Variants in NUP210L observed in about 807,000 individuals in gnomAD.
NUP210L encodes nucleoporin 210 like, also known as nuclear pore membrane glycoprotein 210-like.
A neutral mutation model predicts 208.5 loss-of-function variants in NUP210L; 74 were observed. The ratio of observed to expected loss-of-function variants is 0.35; its 90% CI spans 0.29 to 0.43. The LOEUF (loss-of-function observed/expected upper bound fraction) is 0.43. NUP210L is among the 20% of genes least tolerant of loss of function. The probability of loss-of-function intolerance (pLI) is 1.00; values close to 1 mark genes in which losing one functional copy is unlikely to be tolerated. For missense variants in NUP210L, 1,843 were observed against 2,289.4 expected (o/e 0.81, Z 3.98); for synonymous variants, 780 against 816.9 (o/e 0.95, Z 0.77).
chr1:154,097,210 C>T (rs769989267), intron 14 of NUP210L, among the ~76,000 whole-genome samples: 9 of 151,946 alleles, frequency 5.9e-5, no homozygotes, highest in African/African-American at 2.2e-4. Flanking sequence ...CCAGATGAAC[C>T]GAATTGAGCT....
chr1:154,075,650 T>C (rs1428671412), intron 16 of NUP210L, among the ~76,000 whole-genome samples: 4 of 152,134 alleles, frequency 2.6e-5, no homozygotes, highest in African/African-American at 9.7e-5. Flanking sequence ...CATTATATTA[T>C]ATAAAATGTT....
At chr1:154,094,277 C>T (rs1171490892) in intron 15 of NUP210L, among the ~76,000 whole-genome samples, 3 of 151,486 alleles carry the variant, frequency 2.0e-5, no homozygotes. Context: ...AGCAAGACTC[C>T]ATCTCAAAAA....
chr1:154,023,514 G>A (rs1029682448), intron 30 of NUP210L, among the ~76,000 whole-genome samples: 9 of 152,086 alleles, frequency 5.9e-5, no homozygotes, highest in African/African-American at 1.9e-4. Flanking sequence ...ATCTCACTCT[G>A]TCACCCAGGC....
chr1:154,113,786 A>T (rs1657169767), intron 12 of NUP210L, among the ~76,000 whole-genome samples: 1 of 131,570 alleles, frequency 7.6e-6, no homozygotes, highest in African/African-American at 2.9e-5. Context: ...TGAACCTGGG[A>T]GGTGGAGGTT....
intron 14 of NUP210L, among the ~76,000 whole-genome samples, chr1:154,098,806 G>C (rs1471320198): frequency 6.6e-6 from 1 of 152,156 alleles, no homozygotes; most frequent in Non-Finnish European, 1.5e-5. Flanking sequence ...TGAAGGTAGG[G>C]CCTCACCAGA....
chr1:154,043,900 C>T (rs1014909405), intron 27 of NUP210L, among the ~76,000 whole-genome samples: 1 of 151,936 alleles, frequency 6.6e-6, no homozygotes, highest in Non-Finnish European at 1.5e-5. Flanking sequence ...GATTACAGGC[C>T]TTATGAAGGC....
intron 16 of NUP210L, among the ~76,000 whole-genome samples, chr1:154,084,114 A>C (rs1459664732): frequency 7.2e-6 from 1 of 138,960 alleles, no homozygotes; most frequent in Non-Finnish European, 1.5e-5. Flanking sequence ...ATCTTGGCTC[A>C]CTGGAGCTTC....
At chr1:154,126,060 G>C (rs1657953808) in intron 10 of NUP210L, among the ~76,000 whole-genome samples, 1 of 151,892 alleles carries the variant, frequency 6.6e-6, no homozygotes, top group Non-Finnish European at 1.5e-5. Context: ...GAGCCACCGC[G>C]CCCGGCCAAG....
chr1:154,077,540 G>A (rs1655103040), intron 16 of NUP210L, among the ~76,000 whole-genome samples: 1 of 152,052 alleles, frequency 6.6e-6, no homozygotes, highest in Admixed American at 6.6e-5. Flanking sequence ...ATACTAAAGG[G>A]AGTCCTTCAG....
At chr1:154,027,582 G>T (rs1218057059) in exon 29 of NUP210L, 5 of 1,612,504 alleles carry the variant, frequency 3.1e-6, no homozygotes, top group Non-Finnish European at 4.2e-6. Context: ...TAGAAGAGTT[G>T]GAGTTTTTCA....
exon 8 of NUP210L, chr1:154,129,337 T>A (rs1296824599): frequency 6.2e-7 from 1 of 1,607,944 alleles, no homozygotes; most frequent in Admixed American, 1.7e-5. Context: ...ACAGATCGCA[T>A]ATGAACATCT....
chr1:154,016,319 C>A (rs1379255635), intron 33 of NUP210L, among the ~76,000 whole-genome samples: 1 of 151,660 alleles, frequency 6.6e-6, no homozygotes, highest in African/African-American at 2.4e-5. Flanking sequence ...TTGTAGCTAC[C>A]ATGTTTGAGG....
chr1:154,038,115 AT>A (rs1481069071), intron 27 of NUP210L, among the ~76,000 whole-genome samples: 1 of 150,194 alleles, frequency 6.7e-6, no homozygotes, highest in Non-Finnish European at 1.5e-5. Context: ...CTTGCATTTT[AT>A]TTTTGTTTAT....
chr1:154,127,146 G>T (rs982311347), intron 9 of NUP210L, among the ~76,000 whole-genome samples, 165 bp downstream of exon 9: 3 of 150,768 alleles, frequency 2.0e-5, no homozygotes, highest in Non-Finnish European at 4.4e-5. Context: ...AGAAGAAGAA[G>T]AAGAGAATTA....
chr1:154,066,554 T>C (rs1329491219), intron 17 of NUP210L, among the ~76,000 whole-genome samples: 6 of 152,128 alleles, frequency 3.9e-5, no homozygotes, highest in Non-Finnish European at 8.8e-5. Context: ...AAGCTTGCAG[T>C]GAGCTGAGAT....
rs1193120525 is a variant in NUP210L, at chr1:154,112,169, T to TAA, written c.1620+5555_1620+5556insTT. On this transcript the variant is annotated intron_variant, in intron 12 of 39. Coordinates refer to ENST00000368559, the Ensembl canonical transcript of NUP210L. ...GTCTTGATCTCTTGACCTTGTGATC[T>TAA]GCCTGCCTCAGCCTCTCAAAGTGCT... 9.1e-3 allele frequency among the ~76,000 whole-genome samples: 1,365 copies of TAA among 150,686 alleles called. 26 individuals carry two copies. The highest frequency in any genetic ancestry group is 0.033 in the African/African-American group (1,331 of 40,006).
At chr1:154,038,325 T>C (rs1256984122) in intron 27 of NUP210L, among the ~76,000 whole-genome samples, 1 of 149,322 alleles carries the variant, frequency 6.7e-6, no homozygotes, top group African/African-American at 2.5e-5. Flanking sequence ...AGAGACAGGG[T>C]TTTTTCTTTT....
intron 12 of NUP210L, among the ~76,000 whole-genome samples, chr1:154,117,115 C>T (rs1341210348): frequency 2.0e-5 from 3 of 152,136 alleles, no homozygotes; most frequent in Non-Finnish European, 4.4e-5. Context: ...ATACAGAATG[C>T]ATTTCATCAT....
intron 33 of NUP210L, among the ~76,000 whole-genome samples, chr1:154,015,411 C>T (rs750676968): frequency 2.0e-5 from 3 of 151,702 alleles, no homozygotes; most frequent in Non-Finnish European, 4.4e-5. Flanking sequence ...CAGGGTGAAA[C>T]CCCATCTATC....
Sources: allele counts gnomAD v4.1 joint callset (sites outside exome capture counted in the v4.1 genomes callset), GRCh38; gene constraint gnomAD v4.1.1; transcripts MANE v1.5; gene names NCBI Gene and HGNC (gene_info 2026-07-23, HGNC 2026-07-21).